The following LHX9 variants were observed in gnomAD, a reference collection of about 807,000 sequenced individuals.
LHX9 encodes LIM homeobox 9.
A neutral mutation model predicts 36.5 loss-of-function variants in LHX9; 9 were observed. The ratio of observed to expected loss-of-function variants is 0.25; its 90% CI spans 0.15 to 0.43. The LOEUF (loss-of-function observed/expected upper bound fraction) is 0.43, where lower values mean the gene tolerates loss of function less well. Among genes scored for constraint, LHX9 ranks in the 20% least tolerant of loss-of-function variants. LHX9 has a pLI of 1.00. For missense variants in LHX9, 464 were observed against 526.4 expected (o/e 0.88, Z 1.16); for synonymous variants, 211 against 212.1 (o/e 0.99, Z 0.04).
chr1:197,927,932 G>A, intron 4 of LHX9, 139 bp downstream of exon 4: 1 of 846,050 alleles, frequency 1.2e-6, no homozygotes, highest in South Asian at 1.8e-5. Flanking sequence ...TCCCTAGAGG[G>A]TGTTCTGAGA....
chr1:197,920,196 T>C (rs1225179349), intron 2 of LHX9, 22 bp downstream of exon 2: 1 of 1,610,652 alleles, frequency 6.2e-7, no homozygotes, highest in South Asian at 1.1e-5. Flanking sequence ...CACCCCCACT[T>C]CCTACGCCCG....
chr1:197,923,912 C>T (rs1033072691), intron 3 of LHX9, among the ~76,000 whole-genome samples: 4 of 151,976 alleles, frequency 2.6e-5, no homozygotes, highest in South Asian at 2.1e-4. Context: ...CCCCTTAGCC[C>T]GAAGAGTTTG....
In LHX9 at chr1:197,933,140, A is replaced by G. The variant is rs1263690097; in HGVS notation, c.*3881A>G. On this transcript the variant is annotated 3_prime_UTR_variant, in exon 5 of 5. Coordinates refer to ENST00000367387, the MANE Select transcript of LHX9 (RefSeq NM_020204.3). ...GCTATTCCTATTTAGCCGTATATCC[A>G]AAGCATATGTTAAACAAACTAACAT... The G allele has an allele frequency of 6.6e-6, 1 of 152,090 alleles. No homozygotes were observed. Among genetic ancestry groups the G allele is most frequent in the Non-Finnish European group, 1.5e-5 (1 of 67,966 alleles). The allele number at this position is 152,090 out of a possible 1,614,324, so 9.4% of individuals were successfully genotyped here.
chr1:197,928,137 C>T (rs1190373341), intron 4 of LHX9, among the ~76,000 whole-genome samples: 1 of 152,144 alleles, frequency 6.6e-6, no homozygotes, highest in Non-Finnish European at 1.5e-5. Context: ...GCTCAGTGCA[C>T]GGACTTGAGA....
At chr1:197,915,532 T>G (rs1659720634), upstream of LHX9, among the ~76,000 whole-genome samples, 1 of 152,234 alleles carries the variant, frequency 6.6e-6, no homozygotes, top group Non-Finnish European at 1.5e-5. Context: ...CAGGTATAGC[T>G]GCCAAAGTAA....
chr1:197,930,113 T>C lies in LHX9; in HGVS notation c.*854T>C, dbSNP rs1557978378. The C allele has an allele frequency of 1.1e-6, 1 of 925,602 alleles. No individual in the cohort carries two copies. Among genetic ancestry groups the C allele is most frequent in the Non-Finnish European group, 1.3e-6 (1 of 775,514 alleles). 57.3% of individuals were successfully genotyped at this position (925,602 alleles called of 1,614,324 possible). On this transcript the variant is annotated 3_prime_UTR_variant, in exon 5 of 5. Coordinates refer to ENST00000367387, the MANE Select transcript of LHX9 (RefSeq NM_020204.3). ...GAAAATGGAAATAAGCAAAATATAA[T>C]GTTTTAAGAAGTAAAAAAATCAATA... is the stretch of plus-strand genomic sequence containing the variant.
rs1222480647 is a variant in LHX9, at chr1:197,921,920, A to G, written c.733+261A>G. On this transcript the variant is annotated intron_variant, in intron 3 of 4. Transcript: ENST00000367387. This position sits in a 1 kb window ranked among gnomAD's most constrained non-coding sequence, Gnocchi z 4.6. Reference sequence around the variant, plus strand: ...GTAGTGACTTTCCCCAAACAGGCAGAGCCAAATCCTTGTTGCCCATTAGTT... The same window carrying G: ...GTAGTGACTTTCCCCAAACAGGCAGGGCCAAATCCTTGTTGCCCATTAGTT... 6.6e-6 allele frequency among the ~76,000 whole-genome samples: 1 copy of G among 152,184 alleles called. No homozygotes were observed. Among genetic ancestry groups the G allele is most frequent in the Non-Finnish European group, 1.5e-5 (1 of 68,034 alleles).
upstream of LHX9, among the ~76,000 whole-genome samples, chr1:197,914,951 T>C (rs544435693): frequency 1.3e-5 from 2 of 152,230 alleles, no homozygotes; most frequent in African/African-American, 4.8e-5. Context: ...AATAGAAGAA[T>C]GAATGGATGA....
In LHX9 at chr1:197,932,374, T is replaced by C. The variant is rs1287300138; in HGVS notation, c.*3115T>C. On this transcript the variant is annotated 3_prime_UTR_variant, in exon 5 of 5. Transcript: ENST00000367387. Reference sequence around the variant, plus strand: ...AGTCCTGTTAATGGCATTTTCCAACTGTAAATTCAAAGAAAAGCTATCACC... The same window carrying C: ...AGTCCTGTTAATGGCATTTTCCAACCGTAAATTCAAAGAAAAGCTATCACC... The C allele has an allele frequency of 6.3e-6, 1 of 159,132 alleles. No homozygotes were observed. Among genetic ancestry groups the C allele is most frequent in the Non-Finnish European group, 1.4e-5 (1 of 72,512 alleles). The allele number at this position is 159,132 out of a possible 1,614,324, so 9.9% of individuals were successfully genotyped here.
chr1:197,918,267 G>A lies in LHX9; in HGVS notation c.174+270G>A, dbSNP rs1275024608. ...ACTGGGAGGAGGTGGGATGGGGGGT[G>A]GTGGCATTCTCTTCTACAGACCTCA... On this transcript the variant is annotated intron_variant, in intron 1 of 4. Coordinates refer to ENST00000367387, the MANE Select transcript of LHX9 (RefSeq NM_020204.3). 9 of 717,120 alleles carry A rather than the reference G, an allele frequency of 1.3e-5. No homozygotes were observed. In the Middle Eastern group the frequency reaches 2.1e-3, roughly 164 times the overall value. 44.4% of individuals were successfully genotyped at this position (717,120 alleles called of 1,614,324 possible). A position where few individuals can be genotyped will look rare whatever the true frequency, so the allele number is the denominator to read the frequency against.
chr1:197,927,985 G>A (rs1268759199), intron 4 of LHX9, among the ~76,000 whole-genome samples, 192 bp downstream of exon 4: 1 of 152,170 alleles, frequency 6.6e-6, no homozygotes, highest in Non-Finnish European at 1.5e-5. Flanking sequence ...AGAGACCCAG[G>A]GTCTTTTTAA....
chr1:197,918,136 C>A lies in LHX9; in HGVS notation c.174+139C>A, dbSNP rs72744984. ...TGAGGGTGGCGGGTGAGTTTTCTCC[C>A]GTCCACCTATGCCTACAGGGCTAAG... On this transcript the variant is annotated intron_variant, in intron 1 of 4. Coordinates refer to ENST00000367387, the MANE Select transcript of LHX9 (RefSeq NM_020204.3). The A allele has an allele frequency of 2.5e-4, 227 of 893,816 alleles. 1 individual carries two copies. In the Admixed American group the frequency reaches 4.0e-3, roughly 16 times the overall value. 55.4% of individuals were successfully genotyped at this position (893,816 alleles called of 1,614,324 possible).
chr1:197,921,578 G>C lies in LHX9; in HGVS notation c.652G>C (p.Gly218Arg), dbSNP rs748551619. The C allele has an allele frequency of 3.1e-6, 5 of 1,612,008 alleles. No homozygotes were observed. Among genetic ancestry groups the C allele is most frequent in the East Asian group, 2.2e-5 (1 of 44,896 alleles). Residue 218 changes from glycine to arginine, a missense_variant, in exon 3 of 5, where the codon GGT becomes CGT. Coordinates refer to ENST00000367387, the MANE Select transcript of LHX9 (RefSeq NM_020204.3). This position sits in a 1 kb window ranked among gnomAD's most constrained non-coding sequence, Gnocchi z 4.6. The part of the protein sequence containing the change: ...SGGLALPYFN[G>R]TGTVQKGRPR... The stretch of plus-strand genomic sequence containing the variant: ...CGGCCTGGCCCTGCCTTACTTCAAC[G>C]GTACGGGCACCGTGCAGAAAGGGCG...
rs1169024663 is a variant in LHX9, at chr1:197,924,945, C to A, written c.734-2646C>A. Among the ~76,000 whole-genome samples the A allele has an allele frequency of 9.1e-5, 4 of 44,022 alleles. 2 individuals are homozygous for A. Among genetic ancestry groups the A allele is most frequent in the Non-Finnish European group, 1.7e-4 (4 of 24,146 alleles). The allele number at this position is 44,022 out of a possible 152,430, so 28.9% of individuals were successfully genotyped here. Reference sequence around the variant, plus strand: ...AATCCCCTACAGCTTTAGCAATAGGCCTTGGAGAAACAGTCATTTGCAAGT... The same window carrying A: ...AATCCCCTACAGCTTTAGCAATAGGACTTGGAGAAACAGTCATTTGCAAGT... On this transcript the variant is annotated intron_variant, in intron 3 of 4. Transcript: ENST00000367387.
intron 3 of LHX9, 133 bp from the exon 4 acceptor site, chr1:197,927,458 A>T: frequency 1.3e-6 from 1 of 743,340 alleles, no homozygotes; most frequent in Non-Finnish European, 2.4e-6. Flanking sequence ...TTGTCTAGAT[A>T]CTACTCATAA....
At chr1:197,917,369 A>G (rs1557970683), upstream of LHX9, 1 of 1,302,364 alleles carries the variant, frequency 7.7e-7, no homozygotes, top group Non-Finnish European at 1.0e-6. Flanking sequence ...CTCAGGCAGG[A>G]GCAGTCCCCA....
chr1:197,914,601 C>T (rs188486780), upstream of LHX9, among the ~76,000 whole-genome samples: 8 of 152,214 alleles, frequency 5.3e-5, no homozygotes, highest in African/African-American at 1.7e-4. Context: ...ACACCCAATT[C>T]GAGGGCATTC....
intron 2 of LHX9, among the ~76,000 whole-genome samples, chr1:197,920,824 G>A (rs1659958926): frequency 6.6e-6 from 1 of 152,122 alleles, no homozygotes. Flanking sequence ...AGCAAGATAA[G>A]TTGTTAAAAA....
At chr1:197,919,918 T>A (rs1300099115) in intron 1 of LHX9, 54 bp from the exon 2 acceptor site, 26 of 1,583,516 alleles carry the variant, frequency 1.6e-5, no homozygotes, top group Non-Finnish European at 1.7e-5. Flanking sequence ...GAACCCCGCG[T>A]CGTGCGGCTA....
Sources: allele counts gnomAD v4.1 joint callset (sites outside exome capture counted in the v4.1 genomes callset), GRCh38; gene constraint gnomAD v4.1.1; non-coding constraint Gnocchi (gnomAD v3.1); transcripts MANE v1.5; gene names NCBI Gene and HGNC (gene_info 2026-07-23, HGNC 2026-07-21).